The following DPYD variants were observed in gnomAD, a reference collection of about 807,000 sequenced individuals.
The protein encoded by DPYD is dihydropyrimidine dehydrogenase [NADP(+)].
Under a neutral mutation model 116.2 loss-of-function variants are expected in DPYD, and 109 were observed. That is an observed-to-expected ratio of 0.94 (90% CI 0.80 to 1.10). The LOEUF is 1.10. Ranked by LOEUF, DPYD falls within the 50% of genes least tolerant of loss-of-function variation. The pLI is 0.00. For synonymous variants in DPYD, 440 were observed against 432.0 expected (o/e 1.02, Z -0.23); for missense variants, 1,302 against 1,254.5 (o/e 1.04, Z -0.57).
At chr1:97,108,141 T>C (rs1215373431) in intron 20 of DPYD, among the ~76,000 whole-genome samples, 5 of 152,098 alleles carry the variant, frequency 3.3e-5, no homozygotes, top group Non-Finnish European at 7.4e-5. Context: ...TACTTCATCT[T>C]CAAGAAGCAA....
At chr1:97,468,611 G>A (rs1394898820) in intron 13 of DPYD, among the ~76,000 whole-genome samples, 1 of 152,142 alleles carries the variant, frequency 6.6e-6, no homozygotes, top group Non-Finnish European at 1.5e-5. Context: ...ATGACATTTT[G>A]TTATAGCAGC....
intron 6 of DPYD, 42 bp downstream of exon 6, chr1:97,699,309 T>A: frequency 6.3e-7 from 1 of 1,583,152 alleles, no homozygotes. Context: ...TTTTGCTCCA[T>A]CATTTCTGAC....
intron 20 of DPYD, among the ~76,000 whole-genome samples, chr1:97,134,015 AT>A (rs1384892023): frequency 0.37 from 6,857 of 18,556 alleles, 1,479 homozygotes; most frequent in African/African-American, 0.43. Context: ...AAAAAAAAAA[AT>A]ATATATATAT....
intron 10 of DPYD, among the ~76,000 whole-genome samples, chr1:97,579,316 C>A (rs1359602200): frequency 6.6e-6 from 1 of 152,160 alleles, no homozygotes; most frequent in Non-Finnish European, 1.5e-5. Flanking sequence ...TTATGAAAAT[C>A]TGAAGAACAT....
At chr1:97,102,396 C>CATATAT (rs372249411) in intron 20 of DPYD, among the ~76,000 whole-genome samples, 20,664 of 97,100 alleles carry the variant, frequency 0.21, 2,942 homozygotes, top group East Asian at 0.38. Context: ...CACTCAGTAT[C>CATATAT]ATATATATAT....
At chr1:97,351,336 C>T (rs1558048261) in intron 16 of DPYD, among the ~76,000 whole-genome samples, 1 of 151,914 alleles carries the variant, frequency 6.6e-6, no homozygotes, top group South Asian at 2.1e-4. Context: ...ACTCTGAAAG[C>T]CCAATTAGTA....
intron 11 of DPYD, among the ~76,000 whole-genome samples, chr1:97,559,316 T>C (rs1383533752): frequency 6.6e-6 from 1 of 152,164 alleles, no homozygotes; most frequent in Non-Finnish European, 1.5e-5. Context: ...TAGTAAATTA[T>C]ACTACTTGTG....
At chr1:97,877,701 G>C (rs1318677369) in intron 2 of DPYD, among the ~76,000 whole-genome samples, 1 of 151,964 alleles carries the variant, frequency 6.6e-6, no homozygotes, top group Non-Finnish European at 1.5e-5. Context: ...AGGAGGCAAG[G>C]GTAGAACAGG....
chr1:97,603,553 A>G (rs188524358), intron 8 of DPYD, among the ~76,000 whole-genome samples: 17 of 152,250 alleles, frequency 1.1e-4, no homozygotes, highest in African/African-American at 3.8e-4. Context: ...CTGCCACCAT[A>G]AACACACATT....
chr1:97,143,454 C>T (rs539476448), intron 20 of DPYD, among the ~76,000 whole-genome samples: 5 of 152,128 alleles, frequency 3.3e-5, no homozygotes, highest in African/African-American at 9.6e-5. Flanking sequence ...ATTGAGATAT[C>T]GAAACCACTT....
intron 8 of DPYD, among the ~76,000 whole-genome samples, chr1:97,649,297 AT>A (rs1385969432): frequency 1.2e-4 from 18 of 152,194 alleles, no homozygotes; most frequent in African/African-American, 4.3e-4. Flanking sequence ...GATCATGACT[AT>A]TTCCATTTAA....
In DPYD at chr1:97,306,270, G is replaced by A. The variant is rs751190912; in HGVS notation, c.2086C>T (p.Arg696Cys). ...QDPELVRNIC[R>C]WVRQAVQIPF... ...ATCTGAACAGCTTGCCTAACCCAGC[G>A]GCAGATGTTCCGCACCAGCTCTGGA... The change falls in exon 17 of 23, where the codon CGC (arginine) becomes TGC (cysteine). Residue 696 changes from arginine to cysteine, a missense_variant. Transcript: ENST00000370192. 96 of 1,612,204 alleles carry A rather than the reference G, an allele frequency of 6.0e-5. No individual in the cohort carries two copies. Among genetic ancestry groups the A allele is most frequent in the East Asian group, 1.8e-4 (8 of 44,816 alleles).
chr1:97,172,961 T>C (rs1278442284), intron 20 of DPYD, among the ~76,000 whole-genome samples: 1 of 152,120 alleles, frequency 6.6e-6, no homozygotes, highest in Non-Finnish European at 1.5e-5. Context: ...TAGGTTGAGA[T>C]GGACACTTGT....
At chr1:97,246,792 T>G (rs1415206003) in intron 18 of DPYD, among the ~76,000 whole-genome samples, 1 of 152,090 alleles carries the variant, frequency 6.6e-6, no homozygotes, top group East Asian at 1.9e-4. Context: ...ATAAACAGGT[T>G]TAAATTTAAA....
intron 10 of DPYD, 101 bp downstream of exon 10, chr1:97,593,117 A>C: frequency 7.0e-7 from 1 of 1,431,908 alleles, no homozygotes. Flanking sequence ...TTTAAACTTG[A>C]ATTTGACAAT....
At chr1:97,307,687 T>C (rs1055559141) in intron 16 of DPYD, among the ~76,000 whole-genome samples, 1 of 151,946 alleles carries the variant, frequency 6.6e-6, no homozygotes, top group Admixed American at 6.6e-5. Flanking sequence ...TGGAATGCTC[T>C]ACAGGGCATA....
At chr1:97,086,233 T>C (rs1649504754) in intron 21 of DPYD, among the ~76,000 whole-genome samples, 1 of 152,102 alleles carries the variant, frequency 6.6e-6, no homozygotes, top group Admixed American at 6.5e-5. Context: ...TTTGTATTTT[T>C]AGTAGAGCCG....
At chr1:97,156,459 C>T (rs903336341) in intron 20 of DPYD, among the ~76,000 whole-genome samples, 1 of 151,992 alleles carries the variant, frequency 6.6e-6, no homozygotes, top group Non-Finnish European at 1.5e-5. Context: ...GGGCAAAGGA[C>T]ATGAACAGAC....
intron 20 of DPYD, among the ~76,000 whole-genome samples, chr1:97,139,808 T>C (rs999218469): frequency 3.3e-5 from 5 of 152,140 alleles, no homozygotes; most frequent in African/African-American, 4.8e-5. Flanking sequence ...AAATTTACTC[T>C]GTAGGTCTGG....
Sources: allele counts gnomAD v4.1 joint callset (sites outside exome capture counted in the v4.1 genomes callset), GRCh38; gene constraint gnomAD v4.1.1; transcripts MANE v1.5; gene names NCBI Gene and HGNC (gene_info 2026-07-23, HGNC 2026-07-21).